PDGFD: variants seen among roughly 807,000 people sequenced by gnomAD.
PDGFD encodes the protein platelet derived growth factor D, also known as platelet-derived growth factor D.
Under a neutral mutation model 44.7 loss-of-function variants are expected in PDGFD, and 30 were observed. The observed-to-expected ratio is 0.67, with a 90% CI of 0.50 to 0.91. The LOEUF (loss-of-function observed/expected upper bound fraction) is 0.91, where lower values mean the gene tolerates loss of function less well. PDGFD is among the 40% of genes least tolerant of loss of function. The pLI is 0.00. For missense variants in PDGFD, 445 were observed against 457.8 expected (o/e 0.97, Z 0.25); for synonymous variants, 173 against 168.4 (o/e 1.03, Z -0.21).
At chr11:104,050,700 C>T (rs1273662916) in intron 1 of PDGFD, among the ~76,000 whole-genome samples, 1 of 152,132 alleles carries the variant, frequency 6.6e-6, no homozygotes, top group Non-Finnish European at 1.5e-5. Flanking sequence ...TTCAGTACTG[C>T]AGGTCTGGGG....
chr11:104,016,301 G>A (rs1253092597), intron 1 of PDGFD, among the ~76,000 whole-genome samples: 2 of 152,186 alleles, frequency 1.3e-5, no homozygotes, highest in African/African-American at 4.8e-5. Flanking sequence ...TCCTTAAAAT[G>A]TGACAGCAGT....
chr11:104,062,029 C>T (rs1174803110), intron 1 of PDGFD, among the ~76,000 whole-genome samples: 2 of 152,198 alleles, frequency 1.3e-5, no homozygotes, highest in African/African-American at 2.4e-5. Context: ...TCTCGTTTTT[C>T]TCACGTTTCG....
chr11:103,988,892 C>T (rs1168788465), intron 3 of PDGFD, among the ~76,000 whole-genome samples: 1 of 152,142 alleles, frequency 6.6e-6, no homozygotes, highest in Non-Finnish European at 1.5e-5. Flanking sequence ...CATGGAGATG[C>T]ATTCATGCAA....
At chr11:103,942,485 C>T (rs911656609) in intron 5 of PDGFD, among the ~76,000 whole-genome samples, 7 of 152,064 alleles carry the variant, frequency 4.6e-5, no homozygotes, top group African/African-American at 1.7e-4. Flanking sequence ...GATGTTCTCT[C>T]TGCCTTAATG....
intron 1 of PDGFD, among the ~76,000 whole-genome samples, chr11:104,101,124 AT>A (rs1436834706): frequency 1.3e-5 from 2 of 152,180 alleles, no homozygotes; most frequent in Non-Finnish European, 2.9e-5. Flanking sequence ...GGAGAAGGAA[AT>A]AAAGGGTATT....
chr11:103,950,099 T>A (rs1006257021), intron 3 of PDGFD, among the ~76,000 whole-genome samples: 9 of 152,118 alleles, frequency 5.9e-5, no homozygotes, highest in Non-Finnish European at 1.2e-4. Flanking sequence ...ACATGTGACC[T>A]TGAGATATAG....
At chr11:104,104,283 G>C (rs1378027357) in intron 1 of PDGFD, among the ~76,000 whole-genome samples, 1 of 152,080 alleles carries the variant, frequency 6.6e-6, no homozygotes, top group African/African-American at 2.4e-5. Context: ...AGCTAATTTT[G>C]ATTTGTTATC....
chr11:103,962,759 G>C lies in PDGFD; in HGVS notation c.511-15035C>G, dbSNP rs547937558. The stretch of plus-strand genomic sequence containing the variant: ...GCTTTAGATTCCTGATTGTAAACTG[G>C]GAAAAATATCTTCTTTCCTCCATAG... On this transcript the variant is annotated intron_variant, in intron 3 of 6. Transcript: ENST00000393158. Among the ~76,000 whole-genome samples, 5 of 152,174 alleles carry C rather than the reference G, an allele frequency of 3.3e-5. No homozygotes were observed. In the East Asian group the frequency reaches 9.7e-4, roughly 29 times the overall value.
intron 1 of PDGFD, among the ~76,000 whole-genome samples, chr11:104,035,047 T>G (rs1295205473): frequency 1.3e-5 from 2 of 152,116 alleles, no homozygotes; most frequent in Non-Finnish European, 2.9e-5. Context: ...CTTGTATGTG[T>G]GTGTGTGTAA....
chr11:104,066,325 T>G lies in PDGFD; in HGVS notation c.125-66070A>C, dbSNP rs186604051. ...AATCACTCAGTTGAATTAATTTGGA[T>G]GGAATGTTTTGTCATATATATCCGT... On this transcript the variant is annotated intron_variant, in intron 1 of 6. Coordinates refer to ENST00000393158, the MANE Select transcript of PDGFD (RefSeq NM_025208.5). 3.9e-5 allele frequency among the ~76,000 whole-genome samples: 6 copies of G among 152,328 alleles called. No individual in the cohort carries two copies. In the East Asian group the frequency reaches 1.2e-3, roughly 29 times the overall value.
At chr11:103,991,206 T>C (rs1433925240) in intron 3 of PDGFD, among the ~76,000 whole-genome samples, 3 of 152,078 alleles carry the variant, frequency 2.0e-5, no homozygotes, top group Non-Finnish European at 4.4e-5. Flanking sequence ...GTTGATAATA[T>C]TGCTTTTGTT....
intron 3 of PDGFD, among the ~76,000 whole-genome samples, chr11:103,990,857 G>A (rs1859440314): frequency 6.6e-6 from 1 of 151,998 alleles, no homozygotes; most frequent in Admixed American, 6.6e-5. Flanking sequence ...ATTCAGCTTA[G>A]GGCCAGGCGC....
At chr11:104,055,161 A>T (rs1860600968) in intron 1 of PDGFD, among the ~76,000 whole-genome samples, 1 of 152,228 alleles carries the variant, frequency 6.6e-6, no homozygotes, top group Admixed American at 6.5e-5. Context: ...ACGCCAGTTC[A>T]TGTCAAATAA....
chr11:104,022,641 A>G (rs1430641780), intron 1 of PDGFD, among the ~76,000 whole-genome samples: 1 of 152,120 alleles, frequency 6.6e-6, no homozygotes, highest in Non-Finnish European at 1.5e-5. Context: ...TGTTTTTACT[A>G]TGCTAAGCCA....
At chr11:104,041,315 C>G (rs1022735589) in intron 1 of PDGFD, among the ~76,000 whole-genome samples, 6 of 151,982 alleles carry the variant, frequency 3.9e-5, no homozygotes, top group Admixed American at 3.9e-4. Context: ...TATGTTGGTA[C>G]AAAAGAATAC....
At chr11:104,127,994 T>C (rs981810048) in intron 1 of PDGFD, among the ~76,000 whole-genome samples, 4 of 152,108 alleles carry the variant, frequency 2.6e-5, no homozygotes, top group Non-Finnish European at 5.9e-5. Context: ...GCTTGGGTCA[T>C]AGGAATTCCC....
At chr11:103,940,183 A>G (rs997602801) in intron 5 of PDGFD, among the ~76,000 whole-genome samples, 3 of 152,068 alleles carry the variant, frequency 2.0e-5, no homozygotes, top group Non-Finnish European at 4.4e-5. Flanking sequence ...AAAAGAAGCA[A>G]AACACATCAT....
chr11:104,155,248 G>A (rs182695671), intron 1 of PDGFD, among the ~76,000 whole-genome samples: 2 of 152,228 alleles, frequency 1.3e-5, no homozygotes, highest in Admixed American at 6.5e-5. Context: ...TTATGAACCT[G>A]GTAAACCTAT....
At chr11:104,061,489 G>A (rs1223172090) in intron 1 of PDGFD, among the ~76,000 whole-genome samples, 8 of 152,126 alleles carry the variant, frequency 5.3e-5, no homozygotes, top group East Asian at 3.9e-4. Flanking sequence ...TTTTAAAAGC[G>A]ATCAAAAATC....
Sources: gnomAD v4.1 joint callset for allele counts (sites outside exome capture counted in the v4.1 genomes callset) on GRCh38, gnomAD v4.1.1 for gene constraint, MANE v1.5 for transcripts, NCBI Gene and HGNC (gene_info 2026-07-23, HGNC 2026-07-21) for gene names.